Variants in SLC38A1 observed in about 807,000 individuals in gnomAD.
SLC38A1 encodes the protein sodium-coupled neutral amino acid symporter 1.
In SLC38A1, 18 loss-of-function variants were observed where a neutral mutation model predicts 60.3. The ratio of observed to expected loss-of-function variants is 0.30; its 90% CI spans 0.21 to 0.44. SLC38A1 has a LOEUF of 0.44. Among genes scored for constraint, SLC38A1 ranks in the 20% least tolerant of loss-of-function variants. SLC38A1 has a pLI of 1.00. For synonymous variants in SLC38A1, 196 were observed against 212.1 expected (o/e 0.92, Z 0.66); for missense variants, 448 against 587.2 (o/e 0.76, Z 2.45).
Position 46,198,639 on chromosome 12 carries a change from C to T in SLC38A1, c.1108G>A (p.Val370Met). ...CCCTTACTCACCGTGAAAAATAACA[C>T]CGGCACTGTGAGGATCACAGCAACA... Reference protein sequence around the residue: ...VIVAVILTVPVLFFTVRSSLF... With the variant: ...VIVAVILTVPMLFFTVRSSLF... Residue 370 changes from valine to methionine, a missense_variant, in exon 14 of 17, where the codon GTG becomes ATG. Physicochemically the swap from Val to Met is conservative, Grantham distance 21. Coordinates refer to ENST00000398637, the MANE Select transcript of SLC38A1 (RefSeq NM_030674.4). 6.2e-7 allele frequency: 1 copy of T among 1,608,924 alleles called. No individual in the cohort carries two copies. Among genetic ancestry groups the T allele is most frequent in the Non-Finnish European group, 8.5e-7 (1 of 1,177,188 alleles).
At chr12:46,204,064 T>G (rs545437313) in intron 11 of SLC38A1, among the ~76,000 whole-genome samples, 1 of 152,318 alleles carries the variant, frequency 6.6e-6, no homozygotes, top group African/African-American at 2.4e-5. Flanking sequence ...CAGAAAAAGC[T>G]GAGACAATTA....
At chr12:46,245,489 G>A (rs1324232363) in intron 1 of SLC38A1, among the ~76,000 whole-genome samples, 2 of 152,178 alleles carry the variant, frequency 1.3e-5, no homozygotes, top group Non-Finnish European at 2.9e-5. Flanking sequence ...ATGGAGAAAA[G>A]GAAATCTTTG....
chr12:46,195,861 G>C (rs1036103979), intron 16 of SLC38A1: 1 of 327,562 alleles, frequency 3.1e-6, no homozygotes, highest in African/African-American at 2.1e-5. Flanking sequence ...GTCTGTCATG[G>C]CTTCCCTTGG....
Position 46,197,963 on chromosome 12 carries a change from A to G in SLC38A1, c.1220T>C (p.Leu407Ser). 6.2e-7 allele frequency: 1 copy of G among 1,614,136 alleles called. No individual in the cohort carries two copies. The highest frequency in any genetic ancestry group is 8.5e-7 in the Non-Finnish European group (1 of 1,179,984). ...CTTCATGGAGGGTATGAAGATCACCAACAAGTTGATAACAACCAAGAGTAT... is the reference window on the plus strand; with the variant it reads ...CTTCATGGAGGGTATGAAGATCACCGACAAGTTGATAACAACCAAGAGTAT... ...TCILLVVINL[L>S]VIFIPSMKDI... The change falls in exon 15 of 17, where the codon TTG becomes TCG. Residue 407 changes from leucine to serine, a missense_variant. This residue lies in a region of SLC38A1 where 346 missense variants were observed against 497.5 expected (regional missense o/e 0.70). Transcript: ENST00000398637.
intron 3 of SLC38A1, among the ~76,000 whole-genome samples, chr12:46,233,804 A>G (rs185920378): frequency 2.2e-3 from 330 of 152,348 alleles, no homozygotes; most frequent in Non-Finnish European, 3.8e-3. Context: ...ACTTTCTGCA[A>G]CAAGACTTAA....
At chr12:46,209,393 A>C (rs2137263722) in intron 5 of SLC38A1, among the ~76,000 whole-genome samples, 1 of 152,326 alleles carries the variant, frequency 6.6e-6, no homozygotes, top group East Asian at 1.9e-4. Context: ...ATTTCGGTTG[A>C]GATGACTTTA....
At chr12:46,205,903 C>T (rs1213619028) in intron 9 of SLC38A1, among the ~76,000 whole-genome samples, 177 bp downstream of exon 9, 1 of 152,122 alleles carries the variant, frequency 6.6e-6, no homozygotes, top group Non-Finnish European at 1.5e-5. Flanking sequence ...AGGTCACATA[C>T]TGACTGTTAT....
At chr12:46,189,131 T>G (rs2136820090) in intron 16 of SLC38A1, 60 bp from the exon 17 acceptor site, 2 of 1,296,474 alleles carry the variant, frequency 1.5e-6, no homozygotes, top group Middle Eastern at 2.2e-4. Context: ...CACATGTACC[T>G]GGGGAAAAAA....
chr12:46,189,328 C>A (rs1321281682), intron 16 of SLC38A1, among the ~76,000 whole-genome samples: 3 of 151,724 alleles, frequency 2.0e-5, no homozygotes, highest in Non-Finnish European at 4.4e-5. Context: ...TTCATGGTCA[C>A]CTCAAGTGTA....
chr12:46,203,294 G>C (rs1029011325), intron 11 of SLC38A1, among the ~76,000 whole-genome samples: 2 of 152,176 alleles, frequency 1.3e-5, no homozygotes, highest in African/African-American at 4.8e-5. Flanking sequence ...ACTTGTCACA[G>C]AGGGACTTCG....
intron 1 of SLC38A1, among the ~76,000 whole-genome samples, chr12:46,265,651 C>T (rs1158679023): frequency 1.3e-5 from 2 of 152,194 alleles, no homozygotes; most frequent in Non-Finnish European, 2.9e-5. Context: ...TGGAAACCCT[C>T]AGAGGTTTTT....
intron 1 of SLC38A1, among the ~76,000 whole-genome samples, chr12:46,253,913 GA>G (rs1442295597): frequency 6.6e-6 from 1 of 152,130 alleles, no homozygotes; most frequent in African/African-American, 2.4e-5. Flanking sequence ...CGCTCAGTCA[GA>G]AAGCATCAGT....
chr12:46,213,174 G>C lies in SLC38A1; in HGVS notation c.315-4047C>G, dbSNP rs528041170. Among the ~76,000 whole-genome samples, 3 of 152,292 alleles carry C rather than the reference G, an allele frequency of 2.0e-5. No homozygotes were observed. The South Asian group carries it at 6.2e-4, about 32-fold the overall frequency. The stretch of plus-strand genomic sequence containing the variant: ...GGTCCAAACAGCGCAAAGCATGATA[G>C]GATTTTTAATTTCTCTGAGTCAGAC... On this transcript the variant is annotated intron_variant, in intron 5 of 16. Transcript: ENST00000398637.
At chr12:46,197,691 A>G (rs759603452) in intron 16 of SLC38A1, 29 bp downstream of exon 16, 2 of 1,373,252 alleles carry the variant, frequency 1.5e-6, no homozygotes, top group Admixed American at 2.0e-5. Context: ...ACTAATCAGA[A>G]AAGTTAGAGT....
chr12:46,229,032 G>T (rs1333226943), intron 5 of SLC38A1, 121 bp downstream of exon 5: 1 of 578,736 alleles, frequency 1.7e-6, no homozygotes, highest in Non-Finnish European at 3.0e-6. Flanking sequence ...GTATGTACTT[G>T]TAACTTAGCC....
chr12:46,214,676 C>T (rs1486817253), intron 5 of SLC38A1, among the ~76,000 whole-genome samples: 1 of 152,084 alleles, frequency 6.6e-6, no homozygotes, highest in Non-Finnish European at 1.5e-5. Flanking sequence ...TACCCCAAAA[C>T]AAACAAACAA....
intron 16 of SLC38A1, among the ~76,000 whole-genome samples, chr12:46,194,022 ATAGAG>A (rs1190613854): frequency 1.3e-5 from 2 of 152,128 alleles, no homozygotes; most frequent in Admixed American, 6.5e-5. Context: ...CAGTTTTTTC[ATAGAG>A]TCACTGGTCT....
intron 5 of SLC38A1, among the ~76,000 whole-genome samples, chr12:46,209,806 T>A (rs926732537): frequency 6.6e-6 from 1 of 152,164 alleles, no homozygotes; most frequent in African/African-American, 2.4e-5. Flanking sequence ...TTTTAGTACA[T>A]CTGGGTCATT....
At chr12:46,190,038 T>A (rs981080027) in intron 16 of SLC38A1, among the ~76,000 whole-genome samples, 1 of 152,118 alleles carries the variant, frequency 6.6e-6, no homozygotes, top group Non-Finnish European at 1.5e-5. Context: ...GCTGCACCCA[T>A]CAACTTGTAA....
Sources: allele counts gnomAD v4.1 joint callset (sites outside exome capture counted in the v4.1 genomes callset), GRCh38; gene constraint gnomAD v4.1.1; regional missense constraint gnomAD v4.1.1; transcripts MANE v1.5; gene names NCBI Gene and HGNC (gene_info 2026-07-23, HGNC 2026-07-21).